Variants in PAPSS1 observed in about 807,000 individuals in gnomAD.
PAPSS1 encodes 3'-phosphoadenosine 5'-phosphosulfate synthase 1.
In PAPSS1, 50 loss-of-function variants were observed where a neutral mutation model predicts 72.0. That is an observed-to-expected ratio of 0.69 (90% CI 0.55 to 0.88). The LOEUF (loss-of-function observed/expected upper bound fraction) is 0.88, where lower values mean the gene tolerates loss of function less well. Among genes scored for constraint, PAPSS1 ranks in the 40% least tolerant of loss-of-function variants. PAPSS1 has a pLI of 0.00. For synonymous variants in PAPSS1, 261 were observed against 263.6 expected (o/e 0.99, Z 0.09); for missense variants, 657 against 782.2 (o/e 0.84, Z 1.91).
chr4:107,645,681 G>A (rs1384297448), intron 9 of PAPSS1, among the ~76,000 whole-genome samples: 1 of 152,156 alleles, frequency 6.6e-6, no homozygotes, highest in African/African-American at 2.4e-5. Context: ...AGACGAAACT[G>A]GTTAACTCCT....
chr4:107,708,754 A>AT (rs1021380834), intron 1 of PAPSS1, among the ~76,000 whole-genome samples: 9 of 152,084 alleles, frequency 5.9e-5, no homozygotes, highest in South Asian at 4.2e-4. Flanking sequence ...ATATAAGGAG[A>AT]TTTTTTTTGG....
chr4:107,716,322 A>T lies in PAPSS1; in HGVS notation c.60+3798T>A, dbSNP rs896762511. On this transcript the variant is annotated intron_variant, in intron 1 of 11. Coordinates refer to ENST00000265174, the MANE Select transcript of PAPSS1 (RefSeq NM_005443.5). Reference sequence around the variant, plus strand: ...GCTCTAAACATTTCAGCCCCTGACAAAGGGTAACAGGCATCCCAGGGAGAA... The same window carrying T: ...GCTCTAAACATTTCAGCCCCTGACATAGGGTAACAGGCATCCCAGGGAGAA... Among the ~76,000 whole-genome samples, 4 of 152,220 alleles carry T rather than the reference A, an allele frequency of 2.6e-5. 1 individual carries two copies. The South Asian group carries it at 8.3e-4, about 32-fold the overall frequency.
At chr4:107,630,430 C>T (rs1726199483) in intron 11 of PAPSS1, among the ~76,000 whole-genome samples, 2 of 152,156 alleles carry the variant, frequency 1.3e-5, no homozygotes, top group Non-Finnish European at 2.9e-5. Context: ...AGTGAGTTCT[C>T]ATAGATCTGA....
intron 5 of PAPSS1, among the ~76,000 whole-genome samples, chr4:107,674,117 C>G (rs1473311468): frequency 1.3e-5 from 2 of 150,582 alleles, no homozygotes; most frequent in Non-Finnish European, 3.0e-5. Context: ...AGACCGAAAC[C>G]GCATCAACTA....
chr4:107,626,137 C>T (rs1013301969), intron 11 of PAPSS1, among the ~76,000 whole-genome samples: 1 of 148,150 alleles, frequency 6.7e-6, no homozygotes, highest in Non-Finnish European at 1.5e-5. Context: ...GAGATAGCAC[C>T]ACTGCACTCC....
At position 107,701,312 on chromosome 4, in the gene PAPSS1, T is replaced by C. The variant is rs143432069; in HGVS notation, c.61-27A>G. 492 of 1,455,594 alleles carry C rather than the reference T, an allele frequency of 3.4e-4. 5 individuals are homozygous for C. The East Asian group carries it at 0.011, about 32-fold the overall frequency. The allele number at this position is 1,455,594 out of a possible 1,614,324, so 90.2% of individuals were successfully genotyped here. On this transcript the variant is annotated intron_variant, in intron 1 of 11. Transcript: ENST00000265174. The stretch of plus-strand genomic sequence containing the variant: ...TAGAAAAAAAAGAAAAAAAAAATTC[T>C]AGTTTACATGAGTCCTTTAAAAGGC...
At chr4:107,629,511 G>C (rs1163130945) in intron 11 of PAPSS1, among the ~76,000 whole-genome samples, 1 of 152,150 alleles carries the variant, frequency 6.6e-6, no homozygotes, top group Non-Finnish European at 1.5e-5. Flanking sequence ...CACTTGACTG[G>C]TGCCAAAACC....
intron 3 of PAPSS1, among the ~76,000 whole-genome samples, chr4:107,691,362 A>C (rs1412483902): frequency 1.3e-5 from 2 of 152,170 alleles, no homozygotes; most frequent in Non-Finnish European, 2.9e-5. Context: ...GAACTGCAGG[A>C]GGTTAAGTGT....
intron 5 of PAPSS1, among the ~76,000 whole-genome samples, chr4:107,672,134 T>G (rs1425312507): frequency 6.6e-6 from 1 of 152,032 alleles, no homozygotes; most frequent in Non-Finnish European, 1.5e-5. Flanking sequence ...CAGCTCCCAG[T>G]GTGAGCGACG....
intron 5 of PAPSS1, among the ~76,000 whole-genome samples, chr4:107,681,099 A>G (rs776856871): frequency 7.2e-5 from 11 of 152,212 alleles, no homozygotes; most frequent in Admixed American, 3.9e-4. Context: ...TAATATATCC[A>G]GTAAGATACA....
intron 5 of PAPSS1, among the ~76,000 whole-genome samples, chr4:107,663,729 A>G (rs1031160623): frequency 1.3e-5 from 2 of 152,228 alleles, no homozygotes; most frequent in Non-Finnish European, 2.9e-5. Flanking sequence ...AGCACTCTGC[A>G]TGTATCAACT....
intron 3 of PAPSS1, among the ~76,000 whole-genome samples, chr4:107,687,694 T>C (rs569982459): frequency 6.6e-6 from 1 of 152,304 alleles, no homozygotes; most frequent in African/African-American, 2.4e-5. Context: ...TAACCACCCT[T>C]GCAGCTCCCT....
At chr4:107,708,853 T>C (rs976273837) in intron 1 of PAPSS1, among the ~76,000 whole-genome samples, 15 of 152,248 alleles carry the variant, frequency 9.9e-5, no homozygotes, top group Non-Finnish European at 2.2e-4. Context: ...TTTCTCCATA[T>C]GTACTAAACT....
intron 2 of PAPSS1, among the ~76,000 whole-genome samples, chr4:107,696,971 CA>C (rs1723081255): frequency 6.6e-6 from 1 of 152,144 alleles, no homozygotes; most frequent in African/African-American, 2.4e-5. Flanking sequence ...TACCTGCAGC[CA>C]AAAGAATGTA....
At chr4:107,673,627 G>A (rs189425534) in intron 5 of PAPSS1, among the ~76,000 whole-genome samples, 97 of 152,210 alleles carry the variant, frequency 6.4e-4, no homozygotes, top group African/African-American at 2.3e-3. Context: ...CACTCTGCAG[G>A]ATATTATCCA....
intron 5 of PAPSS1, among the ~76,000 whole-genome samples, chr4:107,663,492 C>A (rs559315043): frequency 6.6e-6 from 1 of 152,334 alleles, no homozygotes; most frequent in Admixed American, 6.5e-5. Context: ...TATAACACCA[C>A]TCATTGTTCT....
chr4:107,650,973 C>T (rs1043373392), intron 9 of PAPSS1, among the ~76,000 whole-genome samples: 1 of 152,138 alleles, frequency 6.6e-6, no homozygotes, highest in African/African-American at 2.4e-5. Flanking sequence ...AAATCACACA[C>T]TGACAAAAAA....
chr4:107,654,281 A>C (rs111650203), intron 8 of PAPSS1, among the ~76,000 whole-genome samples: 1,541 of 152,312 alleles, frequency 0.01, 28 homozygotes, highest in African/African-American at 0.034. Context: ...TAAATGAGGT[A>C]CTTTGAAGAG....
chr4:107,623,369 A>C (rs927054930), intron 11 of PAPSS1, among the ~76,000 whole-genome samples: 2 of 152,138 alleles, frequency 1.3e-5, no homozygotes, highest in Non-Finnish European at 2.9e-5. Flanking sequence ...ATAAATATTT[A>C]TAGGAGTAAG....
Sources: gnomAD v4.1 joint callset for allele counts (sites outside exome capture counted in the v4.1 genomes callset) on GRCh38, gnomAD v4.1.1 for gene constraint, MANE v1.5 for transcripts, NCBI Gene and HGNC (gene_info 2026-07-23, HGNC 2026-07-21) for gene names.